Variants in SMU1 observed in about 807,000 individuals in gnomAD.
SMU1 encodes WD40 repeat-containing protein SMU1.
In SMU1, 2 loss-of-function variants were observed where a neutral mutation model predicts 62.0. The observed-to-expected ratio is 0.03, with a 90% CI of 0.01 to 0.10. The LOEUF (loss-of-function observed/expected upper bound fraction) is 0.10, where lower values mean the gene tolerates loss of function less well. SMU1 is among the 10% of genes least tolerant of loss of function. The pLI is 1.00. For missense variants in SMU1, 227 were observed against 622.1 expected, an observed-to-expected ratio of 0.36 and a Z score of 6.76; for synonymous variants, 188 against 212.4, an observed-to-expected ratio of 0.89 and a Z score of 1.00.
intron 3 of SMU1, among the ~76,000 whole-genome samples, chr9:33,070,230 T>C (rs146640930): frequency 3.8e-4 from 58 of 152,224 alleles, no homozygotes; most frequent in African/African-American, 1.3e-3. Flanking sequence ...AAGATCTGAA[T>C]AGACATTTCT....
Position 33,062,100 on chromosome 9 carries a change from G to C in SMU1, c.579C>G (p.Val193=), listed in dbSNP as rs1839368680. 6.2e-7 allele frequency: 1 copy of C among 1,613,936 alleles called. No homozygotes were observed. The highest frequency in any genetic ancestry group is 8.5e-7 in the Non-Finnish European group (1 of 1,179,974). The change falls in exon 5 of 12, where the codon GTC becomes GTG. Residue 193 remains valine, a synonymous_variant. Coordinates refer to ENST00000397149, the MANE Select transcript of SMU1 (RefSeq NM_018225.3). ...GAAACTTTTCTTCTTCCACATCTTT[G>C]ACAGCTGCCTTGCCTCGAAACAAAT... ...TIDLFRGKAA[V]KDVEEEKFPT... is the part of the protein sequence containing the mutation.
At chr9:33,063,930 T>C (rs1365197839) in intron 4 of SMU1, among the ~76,000 whole-genome samples, 3 of 152,194 alleles carry the variant, frequency 2.0e-5, no homozygotes, top group Non-Finnish European at 2.9e-5. Context: ...AGTTCTCTGA[T>C]TAATGAGTTG....
At chr9:33,061,275 C>T (rs1839358547) in intron 5 of SMU1, among the ~76,000 whole-genome samples, 1 of 152,200 alleles carries the variant, frequency 6.6e-6, no homozygotes. Flanking sequence ...AACAGAAAAT[C>T]TTAGCCCAGC....
intron 3 of SMU1, 77 bp downstream of exon 3, chr9:33,071,663 T>C (rs1382996501): frequency 2.6e-6 from 3 of 1,160,120 alleles, no homozygotes. Flanking sequence ...AATAAAATGG[T>C]AAAAAAAAAA....
Position 33,071,723 on chromosome 9 carries a change from C to T in SMU1, c.390+17G>A. ...CCAAAGTTAACAAAAAGTTCCTTTT[C>T]ATTACCACAGTCATACCTCACGAGG... On this transcript the variant is annotated intron_variant, in intron 3 of 11. Transcript: ENST00000397149. The T allele has an allele frequency of 1.3e-6, 2 of 1,572,252 alleles. No homozygotes were observed. Among genetic ancestry groups the T allele is most frequent in the Non-Finnish European group, 1.7e-6 (2 of 1,164,038 alleles).
intron 2 of SMU1, among the ~76,000 whole-genome samples, chr9:33,072,965 A>T (rs1248274815): frequency 1.3e-5 from 2 of 151,956 alleles, no homozygotes; most frequent in African/African-American, 4.8e-5. Flanking sequence ...TCTTTGTCCT[A>T]GGTTCTTGGC....
intron 4 of SMU1, among the ~76,000 whole-genome samples, chr9:33,067,762 G>A (rs1005595080): frequency 5.3e-5 from 8 of 152,018 alleles, no homozygotes; most frequent in Non-Finnish European, 1.0e-4. Flanking sequence ...GCCTCCCAAA[G>A]TGCTGGGATT....
chr9:33,063,523 G>T (rs1362066979), intron 4 of SMU1, among the ~76,000 whole-genome samples: 1 of 151,970 alleles, frequency 6.6e-6, no homozygotes, highest in Non-Finnish European at 1.5e-5. Flanking sequence ...TTAAAACGGG[G>T]GTCCCCAACC....
At chr9:33,073,522 A>T in intron 2 of SMU1, 74 bp downstream of exon 2, 1 of 1,041,890 alleles carries the variant, frequency 9.6e-7, no homozygotes, top group Non-Finnish European at 1.5e-6. Context: ...AGGAATGCTC[A>T]CTGACGCTTT....
chr9:33,059,815 T>A (rs1005861425), intron 6 of SMU1, among the ~76,000 whole-genome samples: 4 of 151,660 alleles, frequency 2.6e-5, no homozygotes, highest in African/African-American at 9.7e-5. Context: ...TTTCACCATG[T>A]TGGCCAGGCT....
At chr9:33,057,847 T>C in intron 6 of SMU1, 133 bp from the exon 7 acceptor site, 1 of 1,008,456 alleles carries the variant, frequency 9.9e-7, no homozygotes. Flanking sequence ...GTGCCGTGCA[T>C]ACACGTTCCT....
At position 33,056,101 on chromosome 9, in the gene SMU1, CA is replaced by C. The variant is rs1301385227; in HGVS notation, c.1122+11del. Reference sequence around the variant, plus strand: ...TAGACATCCCAAAATAAACTGATAGCAAATACTTAACCTTTACAGTGCCATC... The same window carrying C: ...TAGACATCCCAAAATAAACTGATAGCAATACTTAACCTTTACAGTGCCATC... On this transcript the variant is annotated intron_variant, in intron 9 of 11. Transcript: ENST00000397149. The C allele has an allele frequency of 5.0e-6, 8 of 1,592,826 alleles. No individual in the cohort carries two copies. In the Admixed American group the frequency reaches 6.9e-5, roughly 14 times the overall value.
chr9:33,053,629 C>T (rs995243717), intron 9 of SMU1, among the ~76,000 whole-genome samples: 6 of 152,282 alleles, frequency 3.9e-5, no homozygotes, highest in African/African-American at 1.2e-4. Context: ...ATACAATGCC[C>T]GCACACCACT....
Position 33,047,117 on chromosome 9 carries a change from T to C in SMU1, c.*176A>G, listed in dbSNP as rs957974134. 7 of 517,278 alleles carry C rather than the reference T, an allele frequency of 1.4e-5. No individual in the cohort carries two copies. The highest frequency in any genetic ancestry group is 1.1e-4 in the Admixed American group (3 of 26,354). 32.0% of individuals were successfully genotyped at this position (517,278 alleles called of 1,614,324 possible). A position where few individuals can be genotyped will look rare whatever the true frequency, so the allele number is the denominator to read the frequency against. ...AAGATAAACTAATACCTTAAAAATA[T>C]ATAAAAAAAGAAAGGGTAGTTGCTA... is the stretch of plus-strand genomic sequence containing the variant. On this transcript the variant is annotated 3_prime_UTR_variant, in exon 12 of 12. Coordinates refer to ENST00000397149, the MANE Select transcript of SMU1 (RefSeq NM_018225.3).
chr9:33,070,197 A>G (rs567293739), intron 3 of SMU1, among the ~76,000 whole-genome samples: 2 of 152,324 alleles, frequency 1.3e-5, no homozygotes, highest in East Asian at 3.9e-4. Flanking sequence ...AAAATCTGAT[A>G]ATCCAATGTT....
At chr9:33,056,749 G>C in intron 8 of SMU1, 88 bp downstream of exon 8, 1 of 1,398,052 alleles carries the variant, frequency 7.2e-7, no homozygotes. Context: ...AAAGCATCAT[G>C]GTAAAAGCGT....
intron 1 of SMU1, among the ~76,000 whole-genome samples, chr9:33,075,906 A>T (rs146175721): frequency 6.6e-6 from 1 of 152,038 alleles, no homozygotes; most frequent in African/African-American, 2.4e-5. Context: ...TTCCTTGAAA[A>T]TTTTTCTTTC....
chr9:33,053,318 C>T, intron 9 of SMU1, 28 bp from the exon 10 acceptor site: 1 of 1,600,716 alleles, frequency 6.2e-7, no homozygotes, highest in South Asian at 1.1e-5. Context: ...AAGTTATAAA[C>T]CTTTTTTAGG....
intron 5 of SMU1, 47 bp downstream of exon 5, chr9:33,062,001 AG>A (rs765747242): frequency 4.5e-5 from 72 of 1,595,114 alleles, no homozygotes; most frequent in Non-Finnish European, 5.1e-6. Context: ...GCCCATGACA[AG>A]TCCTCAACAA....
Sources: allele counts gnomAD v4.1 joint callset (sites outside exome capture counted in the v4.1 genomes callset), GRCh38; gene constraint gnomAD v4.1.1; transcripts MANE v1.5; gene names NCBI Gene and HGNC (gene_info 2026-07-23, HGNC 2026-07-21).